PTPN5: variants seen among roughly 807,000 people sequenced by gnomAD.
PTPN5 encodes tyrosine-protein phosphatase non-receptor type 5.
PTPN5 carries 29 observed loss-of-function variants against 73.9 expected under a neutral mutation model. The ratio of observed to expected loss-of-function variants is 0.39; its 90% CI spans 0.29 to 0.54. The LOEUF (loss-of-function observed/expected upper bound fraction) is 0.54, where lower values mean the gene tolerates loss of function less well. Among genes scored for constraint, PTPN5 ranks in the 20% least tolerant of loss-of-function variants. The probability of loss-of-function intolerance (pLI) is 0.65; values close to 1 mark genes in which losing one functional copy is unlikely to be tolerated. For missense variants in PTPN5, 652 were observed against 751.4 expected, an observed-to-expected ratio of 0.87 and a Z score of 1.55; for synonymous variants, 267 against 304.7, an observed-to-expected ratio of 0.88 and a Z score of 1.29.
chr11:18,770,755 C>T (rs570671935), intron 2 of PTPN5, among the ~76,000 whole-genome samples: 58 of 152,270 alleles, frequency 3.8e-4, no homozygotes, highest in African/African-American at 1.2e-3. Context: ...TCTGCTCGTT[C>T]GTATGTGTGA....
chr11:18,776,035 G>A (rs1449131334), intron 1 of PTPN5, among the ~76,000 whole-genome samples: 1 of 152,178 alleles, frequency 6.6e-6, no homozygotes, highest in Non-Finnish European at 1.5e-5. Context: ...CCAAAAGATA[G>A]AAAGGCAGGA....
At chr11:18,743,244 A>G (rs1387874732) in intron 5 of PTPN5, 78 bp downstream of exon 5, 2 of 1,424,766 alleles carry the variant, frequency 1.4e-6, no homozygotes, top group African/African-American at 1.4e-5. Flanking sequence ...GAGAAGCCCA[A>G]TCTGGAGGTT....
At chr11:18,743,134 G>A in intron 5 of PTPN5, 59 bp from the exon 6 acceptor site, 2 of 1,322,794 alleles carry the variant, frequency 1.5e-6, no homozygotes, top group Non-Finnish European at 2.1e-6. Flanking sequence ...CTCAGCTCTT[G>A]CAATGATGAC....
At chr11:18,750,606 G>A (rs1232396466) in intron 3 of PTPN5, among the ~76,000 whole-genome samples, 4 of 152,226 alleles carry the variant, frequency 2.6e-5, no homozygotes, top group African/African-American at 7.2e-5. Flanking sequence ...TATAGGAGCG[G>A]TATGGGTGAT....
chr11:18,744,826 C>T (rs1218267586), intron 3 of PTPN5, among the ~76,000 whole-genome samples: 4 of 152,182 alleles, frequency 2.6e-5, no homozygotes, highest in East Asian at 3.9e-4. Context: ...CTAGTGACTC[C>T]GGAGAGTCAC....
At position 18,753,274 on chromosome 11, in the gene PTPN5, G is replaced by T. The variant is rs538661673; in HGVS notation, c.98-9075C>A. 2.0e-4 allele frequency among the ~76,000 whole-genome samples: 30 copies of T among 152,306 alleles called. No individual in the cohort carries two copies. In the South Asian group the frequency reaches 6.2e-3, roughly 32 times the overall value. On this transcript the variant is annotated intron_variant, in intron 3 of 14. Coordinates refer to ENST00000358540, the MANE Select transcript of PTPN5 (RefSeq NM_006906.2). The stretch of plus-strand genomic sequence containing the variant: ...GGGAGGCTCACACCATGTTCTCAAG[G>T]TGTCAGGGGGCCTGGACTCTCTGGC...
chr11:18,791,220 G>T (rs1851907806), intron 1 of PTPN5, among the ~76,000 whole-genome samples: 1 of 152,224 alleles, frequency 6.6e-6, no homozygotes, highest in African/African-American at 2.4e-5. Flanking sequence ...GCCTCCGCCG[G>T]CCGCAGAGGC....
rs765654820 is a variant in PTPN5 at position 18,733,678 on chromosome 11, T to C, written c.1001-43A>G. The C allele has an allele frequency of 3.8e-6, 6 of 1,563,186 alleles. No homozygotes were observed. The South Asian group carries it at 4.4e-5, about 12-fold the overall frequency. On this transcript the variant is annotated intron_variant, in intron 9 of 14. Coordinates refer to ENST00000358540, the MANE Select transcript of PTPN5 (RefSeq NM_006906.2). The surrounding 1 kb of genome is among the most constrained non-coding windows in gnomAD (Gnocchi z 4.3). ...AAGTAAGGCTGGAAACTGGGCCCTC[T>C]GGTGCAGGACCCACTTGCTCTGGCC...
At position 18,742,551 on chromosome 11, in the gene PTPN5, C is replaced by T. The variant is rs190316578; in HGVS notation, c.484-48G>A. The T allele has an allele frequency of 1.9e-4, 296 of 1,599,722 alleles. 1 individual carries two copies. The African/African-American group carries it at 3.6e-3, about 20-fold the overall frequency. On this transcript the variant is annotated intron_variant, in intron 6 of 14. Coordinates refer to ENST00000358540, the MANE Select transcript of PTPN5 (RefSeq NM_006906.2). This position sits in a 1 kb window ranked among gnomAD's most constrained non-coding sequence, Gnocchi z 4.1. ...CAGATTTCGGACCACGCTGGCTGCC[C>T]CCCGTGTTCCTGGAGTGCCCATGGG... is the stretch of plus-strand genomic sequence containing the variant.
Position 18,733,648 on chromosome 11 carries a change from G to A in PTPN5, c.1001-13C>T, listed in dbSNP as rs774415343. ...CTGCTGTGAGGGTCTGGGGTGGTGGGAGACAAGTAAGGCTGGAAACTGGGC... is the reference window on the plus strand; with the variant it reads ...CTGCTGTGAGGGTCTGGGGTGGTGGAAGACAAGTAAGGCTGGAAACTGGGC... On this transcript the variant is annotated splice_polypyrimidine_tract_variant and intron_variant, in intron 9 of 14. Transcript: ENST00000358540. This position sits in a 1 kb window ranked among gnomAD's most constrained non-coding sequence, Gnocchi z 4.3. 59 of 1,614,094 alleles carry A rather than the reference G, an allele frequency of 3.7e-5. 1 individual carries two copies. The South Asian group carries it at 6.1e-4, about 17-fold the overall frequency.
rs530793173 is a variant in PTPN5, at chr11:18,775,387, G to A, written c.-113-3316C>T. Reference sequence around the variant, plus strand: ...TACAGACGAGAAAACTAAGGCTCAGGGGGTGAAGTGACCCAAGCAAACGAG... The same window carrying A: ...TACAGACGAGAAAACTAAGGCTCAGAGGGTGAAGTGACCCAAGCAAACGAG... On this transcript the variant is annotated intron_variant, in intron 1 of 14. Transcript: ENST00000358540. Among the ~76,000 whole-genome samples the A allele has an allele frequency of 4.6e-5, 7 of 152,322 alleles. No individual in the cohort carries two copies. In the East Asian group the frequency reaches 1.3e-3, roughly 29 times the overall value.
rs1850927091 is a variant in PTPN5, at chr11:18,772,035, A to G, written c.-77T>C. ...TCTCAGCAAAAAGCAAGCTGGTGAT[A>G]TAAATGAAGGAGAGAGGGCAGCTTC... On this transcript the variant is annotated 5_prime_UTR_variant, in exon 2 of 15. Transcript: ENST00000358540. The G allele has an allele frequency of 8.4e-7, 1 of 1,191,368 alleles. No individual in the cohort carries two copies. Among genetic ancestry groups the G allele is most frequent in the Non-Finnish European group, 1.2e-6 (1 of 844,426 alleles). 73.8% of individuals were successfully genotyped at this position (1,191,368 alleles called of 1,614,324 possible). A position where few individuals can be genotyped will look rare whatever the true frequency, so the allele number is the denominator to read the frequency against.
chr11:18,742,023 AGAGT>A lies in PTPN5; in HGVS notation c.725+235_725+238del, dbSNP rs1849386266. On this transcript the variant is annotated intron_variant, in intron 7 of 14. Transcript: ENST00000358540. This position sits in a 1 kb window ranked among gnomAD's most constrained non-coding sequence, Gnocchi z 4.1. ...CCACCCAAACTTACTTGAGCATGGG[AGAGT>A]GTGTGTGAACATGTGTACACCTATG... is the stretch of plus-strand genomic sequence containing the variant. Among the ~76,000 whole-genome samples the A allele has an allele frequency of 2.6e-5, 4 of 152,218 alleles. No homozygotes were observed. In the South Asian group the frequency reaches 6.2e-4, roughly 24 times the overall value.
chr11:18,782,167 C>G (rs1458116529), intron 1 of PTPN5, among the ~76,000 whole-genome samples: 2 of 152,024 alleles, frequency 1.3e-5, no homozygotes, highest in Admixed American at 6.5e-5. Context: ...ATTTAGAAAT[C>G]TGTGTGTGTA....
intron 1 of PTPN5, among the ~76,000 whole-genome samples, chr11:18,785,223 C>A (rs929729997): frequency 3.3e-5 from 5 of 152,144 alleles, no homozygotes; most frequent in African/African-American, 9.7e-5. Context: ...CTTTAACCAC[C>A]TTGATCCCAT....
chr11:18,729,132 G>T lies in PTPN5; in HGVS notation c.1605-105C>A. 8.1e-7 allele frequency: 1 copy of T among 1,227,598 alleles called. No homozygotes were observed. The highest frequency in any genetic ancestry group is 1.2e-6 in the Non-Finnish European group (1 of 859,894). The allele number at this position is 1,227,598 out of a possible 1,614,324, so 76.0% of individuals were successfully genotyped here. ...CAATCACTTGCCAGGCCTTGCCCCT[G>T]TGCGTCTTGGAGAGACCAACCCTTG... On this transcript the variant is annotated intron_variant, in intron 14 of 14. Transcript: ENST00000358540. The surrounding 1 kb of genome is among the most constrained non-coding windows in gnomAD (Gnocchi z 5.2).
intron 12 of PTPN5, among the ~76,000 whole-genome samples, chr11:18,732,303 G>T (rs1208527885): frequency 2.0e-5 from 3 of 152,120 alleles, no homozygotes; most frequent in African/African-American, 7.2e-5. Flanking sequence ...CCTGGCCTTG[G>T]GTACATTTGA....
At chr11:18,736,581 C>T (rs1849123505) in intron 9 of PTPN5, among the ~76,000 whole-genome samples, 1 of 152,248 alleles carries the variant, frequency 6.6e-6, no homozygotes, top group Admixed American at 6.5e-5. Context: ...CGTCCTGGAT[C>T]TCAGAGGCAG....
rs368297779 is a variant in PTPN5, at chr11:18,742,974, G to C, written c.483+18C>G. On this transcript the variant is annotated intron_variant, in intron 6 of 14. Coordinates refer to ENST00000358540, the MANE Select transcript of PTPN5 (RefSeq NM_006906.2). The surrounding 1 kb of genome is among the most constrained non-coding windows in gnomAD (Gnocchi z 4.1). ...CAGAGGAGGACAGCCTTGAGGTTGG[G>C]GTCAGGAGGCGCCTTACCAGGGTGG... is the stretch of plus-strand genomic sequence containing the variant. The C allele has an allele frequency of 6.6e-7, 1 of 1,519,698 alleles. No individual in the cohort carries two copies. The highest frequency in any genetic ancestry group is 2.0e-5 in the Admixed American group (1 of 50,958). The allele number at this position is 1,519,698 out of a possible 1,614,324, so 94.1% of individuals were successfully genotyped here.
Sources: gnomAD v4.1 joint callset for allele counts (sites outside exome capture counted in the v4.1 genomes callset) on GRCh38, gnomAD v4.1.1 for gene constraint, Gnocchi (gnomAD v3.1) non-coding constraint, MANE v1.5 for transcripts, NCBI Gene and HGNC (gene_info 2026-07-23, HGNC 2026-07-21) for gene names.